ZMIZ1: variants seen among roughly 807,000 people sequenced by gnomAD.
ZMIZ1 encodes zinc finger MIZ domain-containing protein 1.
Under a neutral mutation model 113.9 loss-of-function variants are expected in ZMIZ1, and 17 were observed. The ratio of observed to expected loss-of-function variants is 0.15; its 90% CI spans 0.10 to 0.22. ZMIZ1 has a LOEUF of 0.22. ZMIZ1 is among the 10% of genes least tolerant of loss of function. ZMIZ1 has a pLI of 1.00. For missense variants in ZMIZ1, 1,059 were observed against 1,477.8 expected (o/e 0.72, Z 4.65); for synonymous variants, 607 against 603.1 (o/e 1.01, Z -0.09).
chr10:79,106,307 A>G (rs1457193943), intron 1 of ZMIZ1, among the ~76,000 whole-genome samples: 2 of 152,244 alleles, frequency 1.3e-5, no homozygotes, highest in African/African-American at 4.8e-5. Flanking sequence ...CAGGGACATC[A>G]AGTGCTGTAG....
intron 5 of ZMIZ1, among the ~76,000 whole-genome samples, chr10:79,202,942 T>A (rs1848162896): frequency 6.6e-6 from 1 of 152,224 alleles, no homozygotes; most frequent in South Asian, 2.1e-4. Flanking sequence ...ATTTGTCAAA[T>A]GGGGCCTACC....
intron 7 of ZMIZ1, among the ~76,000 whole-genome samples, chr10:79,232,996 C>A (rs1012486388): frequency 6.6e-6 from 1 of 152,232 alleles, no homozygotes; most frequent in Non-Finnish European, 1.5e-5. Flanking sequence ...TCCCTCTTGG[C>A]TCCTGGCTTC....
chr10:79,202,212 AAAG>A (rs1848123621), intron 5 of ZMIZ1, among the ~76,000 whole-genome samples: 19 of 59,030 alleles, frequency 3.2e-4, no homozygotes, highest in Non-Finnish European at 6.1e-4. Context: ...AAAAAAAAAA[AAAG>A]AAAGAAAGAA....
intron 7 of ZMIZ1, among the ~76,000 whole-genome samples, chr10:79,274,118 C>G (rs1852116130): frequency 6.6e-6 from 1 of 152,098 alleles, no homozygotes; most frequent in African/African-American, 2.4e-5. Context: ...GACAGGCTGG[C>G]CATGTTGGTT....
chr10:79,205,510 G>A (rs1445938453), intron 5 of ZMIZ1, among the ~76,000 whole-genome samples: 3 of 152,238 alleles, frequency 2.0e-5, no homozygotes, highest in Admixed American at 6.5e-5. Context: ...ACAGAGAACC[G>A]TGGAGGGGCC....
intron 15 of ZMIZ1, 39 bp downstream of exon 15, chr10:79,298,619 G>C: frequency 6.4e-7 from 1 of 1,559,146 alleles, no homozygotes; most frequent in Non-Finnish European, 8.7e-7. Flanking sequence ...GCTCCACCTG[G>C]GCCCCCCAGT....
chr10:79,083,712 A>G (rs1842727501), intron 1 of ZMIZ1, among the ~76,000 whole-genome samples: 1 of 152,220 alleles, frequency 6.6e-6, no homozygotes, highest in Non-Finnish European at 1.5e-5. Context: ...CAGTGGAGGT[A>G]GTGAAACAAG....
intron 3 of ZMIZ1, among the ~76,000 whole-genome samples, chr10:79,147,497 G>A (rs931638175): frequency 1.3e-5 from 2 of 152,182 alleles, no homozygotes; most frequent in African/African-American, 4.8e-5. Context: ...CATCCATCAG[G>A]CCACTGAATT....
chr10:79,239,489 G>T (rs1849723116), intron 7 of ZMIZ1, among the ~76,000 whole-genome samples: 1 of 152,176 alleles, frequency 6.6e-6, no homozygotes, highest in Non-Finnish European at 1.5e-5. Flanking sequence ...GCCCGCATGG[G>T]TGACATCTCC....
intron 3 of ZMIZ1, among the ~76,000 whole-genome samples, chr10:79,147,213 A>G (rs907782056): frequency 4.6e-5 from 7 of 152,214 alleles, no homozygotes; most frequent in African/African-American, 1.7e-4. Flanking sequence ...GGGCTGGGGA[A>G]TGGCCTTGTT....
chr10:79,260,919 C>T (rs946509669), intron 7 of ZMIZ1, among the ~76,000 whole-genome samples: 2 of 152,210 alleles, frequency 1.3e-5, no homozygotes, highest in African/African-American at 4.8e-5. Flanking sequence ...GTAGTTGTCT[C>T]CACAGGATTG....
chr10:79,276,722 G>A (rs568744974), intron 7 of ZMIZ1, among the ~76,000 whole-genome samples: 1 of 152,252 alleles, frequency 6.6e-6, no homozygotes, highest in Admixed American at 6.5e-5. Context: ...CCCACCCATG[G>A]GGAGAAGCCA....
chr10:79,304,627 C>T (rs781772672), intron 19 of ZMIZ1, among the ~76,000 whole-genome samples: 7 of 152,288 alleles, frequency 4.6e-5, no homozygotes, highest in African/African-American at 4.8e-5. Context: ...AAGAAGGAGC[C>T]GTCTTCTGGA....
chr10:79,308,617 CT>C lies in ZMIZ1; in HGVS notation c.2835+1049del, dbSNP rs1854895741. On this transcript the variant is annotated intron_variant, in intron 23 of 24. Coordinates refer to ENST00000334512, the MANE Select transcript of ZMIZ1 (RefSeq NM_020338.4). Reference sequence around the variant, plus strand: ...AGGACTCTAGGTGAGGTAGCAGCAACTTTCCCTCAGGACCCCAGGAGTCCAA... The same window carrying C: ...AGGACTCTAGGTGAGGTAGCAGCAACTTCCCTCAGGACCCCAGGAGTCCAA... 3.3e-5 allele frequency among the ~76,000 whole-genome samples: 5 copies of C among 152,332 alleles called. No homozygotes were observed. In the South Asian group the frequency reaches 1.0e-3, roughly 32 times the overall value.
intron 1 of ZMIZ1, among the ~76,000 whole-genome samples, chr10:79,086,721 AG>A (rs1392232903): frequency 6.6e-6 from 1 of 152,002 alleles, no homozygotes; most frequent in African/African-American, 2.4e-5. Flanking sequence ...TTTGTTACCT[AG>A]GCTGGTAGGA....
chr10:79,312,728 G>A lies in ZMIZ1; in HGVS notation c.3183G>A (p.Leu1061=). ...DLPSNSNDDL[L]SLFENN ...CGAGCAATAGTAACGATGACCTCCT[G>A]TCTCTATTTGAGAACAACTGAGGGC... The change falls in exon 25 of 25, where the codon CTG becomes CTA. Residue 1061 remains leucine (L), a synonymous_variant. Transcript: ENST00000334512. The A allele has an allele frequency of 6.2e-7, 1 of 1,614,206 alleles. No homozygotes were observed.
intron 8 of ZMIZ1, chr10:79,285,512 T>G (rs1024164836): frequency 6.4e-5 from 29 of 455,988 alleles, no homozygotes; most frequent in African/African-American, 5.2e-4. Context: ...CTCTGTGTCC[T>G]TCTCTCACTT....
At chr10:79,221,437 A>T (rs917828498) in intron 7 of ZMIZ1, among the ~76,000 whole-genome samples, 1 of 152,066 alleles carries the variant, frequency 6.6e-6, no homozygotes, top group African/African-American at 2.4e-5. Flanking sequence ...CGCGGGCGGG[A>T]TCCTCCTCCT....
chr10:79,259,161 C>T (rs1851101897), intron 7 of ZMIZ1, among the ~76,000 whole-genome samples: 1 of 152,180 alleles, frequency 6.6e-6, no homozygotes, highest in African/African-American at 2.4e-5. Flanking sequence ...TCGAGCCAAA[C>T]TTCCCAAGGC....
Sources: allele counts gnomAD v4.1 joint callset (sites outside exome capture counted in the v4.1 genomes callset), GRCh38; gene constraint gnomAD v4.1.1; transcripts MANE v1.5; gene names NCBI Gene and HGNC (gene_info 2026-07-23, HGNC 2026-07-21).